DENND2C: variants seen among roughly 807,000 people sequenced by gnomAD.
DENND2C encodes DENN domain-containing protein 2C.
DENND2C carries 72 observed loss-of-function variants against 112.4 expected under a neutral mutation model. That is an observed-to-expected ratio of 0.64 (90% CI 0.53 to 0.78). DENND2C has a LOEUF of 0.78. Ranked by LOEUF, DENND2C falls within the 30% of genes least tolerant of loss-of-function variation. DENND2C has a pLI of 0.00. For missense variants in DENND2C, 992 were observed against 1,113.8 expected, an observed-to-expected ratio of 0.89 and a Z score of 1.56; for synonymous variants, 329 against 381.6, an observed-to-expected ratio of 0.86 and a Z score of 1.61.
chr1:114,620,830 A>T (rs977940440), intron 7 of DENND2C, among the ~76,000 whole-genome samples: 1 of 152,212 alleles, frequency 6.6e-6, no homozygotes, highest in Non-Finnish European at 1.5e-5. Context: ...ATAAGAATTA[A>T]AACTGTGGAA....
At chr1:114,640,547 T>A (rs1382429996) in intron 3 of DENND2C, among the ~76,000 whole-genome samples, 1 of 152,182 alleles carries the variant, frequency 6.6e-6, no homozygotes, top group African/African-American at 2.4e-5. Context: ...TGTGCATGTG[T>A]GTGTGACCAT....
intron 17 of DENND2C, among the ~76,000 whole-genome samples, chr1:114,595,044 T>A (rs1282546768): frequency 6.6e-6 from 1 of 152,236 alleles, no homozygotes; most frequent in Non-Finnish European, 1.5e-5. Context: ...CACTTCATTT[T>A]TGCTCCCACT....
chr1:114,647,933 G>A (rs755389879), intron 2 of DENND2C, among the ~76,000 whole-genome samples: 4 of 151,672 alleles, frequency 2.6e-5, no homozygotes, highest in Non-Finnish European at 4.4e-5. Context: ...TCAGCCTCCC[G>A]AGTAGCTGAG....
At chr1:114,608,096 G>GTGAAA (rs1212647441) in intron 10 of DENND2C, among the ~76,000 whole-genome samples, 1 of 152,180 alleles carries the variant, frequency 6.6e-6, no homozygotes, top group East Asian at 1.9e-4. Flanking sequence ...GGCCAACATG[G>GTGAAA]TGAAACCCTG....
intron 7 of DENND2C, among the ~76,000 whole-genome samples, chr1:114,620,891 T>C (rs1261988927): frequency 6.6e-6 from 1 of 152,166 alleles, no homozygotes; most frequent in Non-Finnish European, 1.5e-5. Context: ...AAGAAACAGA[T>C]GTGACTTTTG....
chr1:114,601,609 CA>C (rs1557941356), intron 12 of DENND2C, 24 bp from the exon 13 acceptor site: 2 of 1,584,576 alleles, frequency 1.3e-6, no homozygotes, highest in Admixed American at 1.7e-5. Context: ...ACAACAACAA[CA>C]AAAAAATCAA....
chr1:114,654,880 T>C (rs998820958), intron 1 of DENND2C, 119 bp from the exon 2 acceptor site: 14 of 152,070 alleles, frequency 9.2e-5, no homozygotes, highest in Admixed American at 2.6e-4. Flanking sequence ...GATCACTTCA[T>C]AGTTCACACA....
chr1:114,609,066 C>T (rs1488350053), intron 9 of DENND2C, among the ~76,000 whole-genome samples, 193 bp from the exon 10 acceptor site: 1 of 152,206 alleles, frequency 6.6e-6, no homozygotes, highest in Non-Finnish European at 1.5e-5. Flanking sequence ...CAGACCCTCA[C>T]AAGTGTGCAG....
chr1:114,631,387 AT>A (rs1443497556), intron 3 of DENND2C, among the ~76,000 whole-genome samples: 3 of 152,192 alleles, frequency 2.0e-5, no homozygotes, highest in South Asian at 2.1e-4. Flanking sequence ...ATTAAAAAAA[AT>A]AAAATGAAAT....
intron 8 of DENND2C, 95 bp downstream of exon 8, chr1:114,618,291 A>G: frequency 2.1e-6 from 2 of 938,412 alleles, no homozygotes; most frequent in East Asian, 3.0e-5. Flanking sequence ...CCCGGCCCCA[A>G]AATTTTTAAT....
chr1:114,623,282 T>C (rs926299015), intron 5 of DENND2C, among the ~76,000 whole-genome samples, 183 bp from the exon 6 acceptor site: 1 of 152,176 alleles, frequency 6.6e-6, no homozygotes, highest in Admixed American at 6.6e-5. Flanking sequence ...AAAAGAATTC[T>C]CAAAATAATA....
rs1316935743 is a variant in DENND2C, at chr1:114,585,609, T to C, written c.2778A>G (p.Gln926=). 5 of 1,613,850 alleles carry C rather than the reference T, an allele frequency of 3.1e-6. No individual in the cohort carries two copies. The highest frequency in any genetic ancestry group is 2.7e-5 in the African/African-American group (2 of 74,954). ...RSLGSKMKFL[Q]KK The stretch of plus-strand genomic sequence containing the variant: ...GAGACAATCAGAGATTTCATTTCTT[T>C]TGCAGAAATTTCATTTTGCTTCCTA... The change falls in exon 21 of 21, where the codon CAA becomes CAG. Residue 926 remains glutamine, a synonymous_variant. Transcript: ENST00000393274.
At chr1:114,649,626 A>G (rs1657100882) in intron 2 of DENND2C, among the ~76,000 whole-genome samples, 1 of 152,084 alleles carries the variant, frequency 6.6e-6, no homozygotes. Context: ...CTCCTGCCTC[A>G]GCTTTCCAAA....
At chr1:114,647,396 C>T (rs374510272) in intron 2 of DENND2C, among the ~76,000 whole-genome samples, 1 of 151,252 alleles carries the variant, frequency 6.6e-6, no homozygotes, top group Non-Finnish European at 1.5e-5. Context: ...GCTCTGTCAC[C>T]GAGGCTGGGT....
At chr1:114,590,888 C>T (rs1655171540) in intron 18 of DENND2C, among the ~76,000 whole-genome samples, 1 of 151,898 alleles carries the variant, frequency 6.6e-6, no homozygotes, top group Non-Finnish European at 1.5e-5. Flanking sequence ...GATATGTACA[C>T]CTTTAATTTT....
intron 16 of DENND2C, 147 bp downstream of exon 16, chr1:114,599,127 T>C: frequency 3.8e-6 from 2 of 524,624 alleles, no homozygotes; most frequent in Non-Finnish European, 2.9e-6. Context: ...AGAAGTATTA[T>C]AAACAGCAAT....
chr1:114,604,312 A>C (rs1570764667), intron 11 of DENND2C, among the ~76,000 whole-genome samples: 1 of 152,356 alleles, frequency 6.6e-6, no homozygotes, highest in East Asian at 1.9e-4. Context: ...CAATAATTAT[A>C]GTTTTGAACA....
chr1:114,628,142 C>CTAAA lies in DENND2C; in HGVS notation c.-204-1958_-204-1955dup, dbSNP rs577423809. 5.8e-3 allele frequency among the ~76,000 whole-genome samples: 880 copies of CTAAA among 151,432 alleles called. 4 individuals are homozygous for CTAAA. Among genetic ancestry groups the CTAAA allele is most frequent in the Non-Finnish European group, 7.6e-3 (514 of 67,852 alleles). ...GCAATATAGTGAGACTTCATCTCTA[C>CTAAA]TAAATAAATAAATAAATAAATAAAA... On this transcript the variant is annotated intron_variant, in intron 3 of 20. Transcript: ENST00000393274.
At chr1:114,628,937 T>C (rs1013516235) in intron 3 of DENND2C, among the ~76,000 whole-genome samples, 1 of 152,238 alleles carries the variant, frequency 6.6e-6, no homozygotes, top group African/African-American at 2.4e-5. Flanking sequence ...CCTAGATCTC[T>C]CCCAAGATTT....
Sources: allele counts gnomAD v4.1 joint callset (sites outside exome capture counted in the v4.1 genomes callset), GRCh38; gene constraint gnomAD v4.1.1; transcripts MANE v1.5; gene names NCBI Gene and HGNC (gene_info 2026-07-23, HGNC 2026-07-21).